The following MAP4K1 variants were observed in gnomAD, a reference collection of about 807,000 sequenced individuals.
MAP4K1 encodes the protein mitogen-activated protein kinase kinase kinase kinase 1.
In MAP4K1, 35 loss-of-function variants were observed where a neutral mutation model predicts 122.8. The observed-to-expected ratio is 0.29, with a 90% CI of 0.22 to 0.38. The LOEUF is 0.38. Among genes scored for constraint, MAP4K1 ranks in the 10% least tolerant of loss-of-function variants. The probability of loss-of-function intolerance (pLI) is 1.00; values close to 1 mark genes in which losing one functional copy is unlikely to be tolerated. For synonymous variants in MAP4K1, 412 were observed against 421.3 expected (o/e 0.98, Z 0.27); for missense variants, 791 against 1,072.6 (o/e 0.74, Z 3.67).
chr19:38,613,079 G>A (rs113456886), intron 8 of MAP4K1, among the ~76,000 whole-genome samples: 1,534 of 152,036 alleles, frequency 0.01, 19 homozygotes, highest in Non-Finnish European at 0.013. Flanking sequence ...AGGTCAAGGC[G>A]GACAGATCAC....
At position 38,608,799 on chromosome 19, in the gene MAP4K1, C is replaced by CAAAA. The variant is rs1031744033; in HGVS notation, c.1007-633_1007-630dup. Among the ~76,000 whole-genome samples the CAAAA allele has an allele frequency of 3.0e-3, 29 of 9,558 alleles. 2 individuals are homozygous for CAAAA. Among genetic ancestry groups the CAAAA allele is most frequent in the South Asian group, 7.1e-3 (2 of 282 alleles). 6.3% of individuals were successfully genotyped at this position (9,558 alleles called of 152,430 possible). A position where few individuals can be genotyped will look rare whatever the true frequency, so the allele number is the denominator to read the frequency against. ...TGGGCGACAGAGTGAAACTCCGTCT[C>CAAAA]AAAAAAAAAAAAAAAAAAAAAAAAA... is the stretch of plus-strand genomic sequence containing the variant. On this transcript the variant is annotated intron_variant, in intron 13 of 30. Transcript: ENST00000396857.
chr19:38,595,454 A>AGTGAT (rs780245856), intron 29 of MAP4K1, 31 bp downstream of exon 29: 6 of 1,609,792 alleles, frequency 3.7e-6, no homozygotes, highest in Non-Finnish European at 5.1e-6. Context: ...GCTGGGGGGC[A>AGTGAT]GTGATGTGGA....
intron 19 of MAP4K1, among the ~76,000 whole-genome samples, chr19:38,602,553 T>TACACACATATACATATATACATATATAC (rs1975108901): frequency 6.9e-6 from 1 of 145,050 alleles, no homozygotes; most frequent in African/African-American, 2.6e-5. Context: ...TACATATATA[T>TACACACATATACATATATACATATATAC]ACACACATAT....
intron 19 of MAP4K1, among the ~76,000 whole-genome samples, chr19:38,603,211 T>C (rs935812130): frequency 8.8e-5 from 13 of 148,384 alleles, no homozygotes; most frequent in East Asian, 2.0e-4. Context: ...TACACATACA[T>C]ATATACACAT....
chr19:38,592,120 A>T (rs1276208568), intron 30 of MAP4K1, among the ~76,000 whole-genome samples: 4 of 152,024 alleles, frequency 2.6e-5, no homozygotes, highest in African/African-American at 9.7e-5. Flanking sequence ...AAAAAATTTT[A>T]AAAATTAGCC....
chr19:38,596,433 C>T lies in MAP4K1; in HGVS notation c.1995G>A (p.Gly665=). The T allele has an allele frequency of 6.3e-7, 1 of 1,590,118 alleles. No individual in the cohort carries two copies. ...TPLSVFALLT[G]PGSELPAVCI... is the part of the protein sequence containing the mutation. Reference sequence around the variant, plus strand: ...ACACAGCGGGCAGCTCAGAGCCTGGCCCGGTCAGCAGCGCGAACACGGACA... The same window carrying T: ...ACACAGCGGGCAGCTCAGAGCCTGGTCCGGTCAGCAGCGCGAACACGGACA... The change falls in exon 26 of 31, where the codon GGG becomes GGA. Residue 665 remains glycine (G), a synonymous_variant. Transcript: ENST00000396857.
chr19:38,608,678 T>TA (rs1975402560), intron 13 of MAP4K1, among the ~76,000 whole-genome samples: 2 of 151,696 alleles, frequency 1.3e-5, no homozygotes, highest in South Asian at 4.2e-4. Flanking sequence ...TATGCGCCTG[T>TA]AATCCCAATT....
At chr19:38,607,803 G>T in intron 16 of MAP4K1, 61 bp downstream of exon 16, 1 of 1,561,520 alleles carries the variant, frequency 6.4e-7, no homozygotes. Flanking sequence ...CACATCAGGG[G>T]ATTGTAGGAA....
intron 29 of MAP4K1, among the ~76,000 whole-genome samples, chr19:38,593,828 C>A (rs1219328333): frequency 6.6e-6 from 1 of 152,068 alleles, no homozygotes; most frequent in Non-Finnish European, 1.5e-5. Flanking sequence ...TTGCAATGAG[C>A]CAAGATTGTG....
At chr19:38,596,124 C>A in intron 26 of MAP4K1, 123 bp from the exon 27 acceptor site, 1 of 1,321,140 alleles carries the variant, frequency 7.6e-7, no homozygotes, top group Non-Finnish European at 1.1e-6. Context: ...GGGCTAAACC[C>A]CGCCCACCAT....
In MAP4K1 at chr19:38,597,017, C is replaced by T. The variant is rs370258249; in HGVS notation, c.1941+17G>A. On this transcript the variant is annotated intron_variant, in intron 25 of 30. Transcript: ENST00000396857. The surrounding 1 kb of genome is among the most constrained non-coding windows in gnomAD (Gnocchi z 4.6). ...ACCCACTCCTCAGAGTTCCCAGCAC[C>T]CTCCCAAGCCCCTTACCCGGACAAG... 64 of 1,612,602 alleles carry T rather than the reference C, an allele frequency of 4.0e-5. No homozygotes were observed. The highest frequency in any genetic ancestry group is 1.3e-4 in the Admixed American group (8 of 59,984).
chr19:38,617,018 C>A lies in MAP4K1; in HGVS notation c.248+336G>T, dbSNP rs982732640. Among the ~76,000 whole-genome samples, 1 of 151,864 alleles carries A rather than the reference C, an allele frequency of 6.6e-6. No individual in the cohort carries two copies. Among genetic ancestry groups the A allele is most frequent in the Non-Finnish European group, 1.5e-5 (1 of 67,968 alleles). On this transcript the variant is annotated intron_variant, in intron 3 of 30. Transcript: ENST00000396857. This position sits in a 1 kb window ranked among gnomAD's most constrained non-coding sequence, Gnocchi z 4.1. ...ATCCCAGCACTTTCGGAGGCCGAGG[C>A]GAGTGGATCACAAGGTCAGGAGTTC... is the stretch of plus-strand genomic sequence containing the variant.
chr19:38,605,341 CT>C, intron 19 of MAP4K1, 67 bp downstream of exon 19: 1 of 1,178,766 alleles, frequency 8.5e-7, no homozygotes. Context: ...CTGCCACCCC[CT>C]CCCCACCCCA....
rs1440734079 is a variant in MAP4K1 at position 38,597,186 on chromosome 19, C to T, written c.1838-49G>A. 1 of 1,602,366 alleles carries T rather than the reference C, an allele frequency of 6.2e-7. No homozygotes were observed. Among genetic ancestry groups the T allele is most frequent in the Non-Finnish European group, 8.6e-7 (1 of 1,169,556 alleles). On this transcript the variant is annotated intron_variant, in intron 24 of 30. Coordinates refer to ENST00000396857, the MANE Select transcript of MAP4K1 (RefSeq NM_001042600.3). This position sits in a 1 kb window ranked among gnomAD's most constrained non-coding sequence, Gnocchi z 4.6. Reference sequence around the variant, plus strand: ...CAAGATCAATGCCCTCTATCCTCCTCGCCACCCACACTACCACCCATCTTC... The same window carrying T: ...CAAGATCAATGCCCTCTATCCTCCTTGCCACCCACACTACCACCCATCTTC...
intron 22 of MAP4K1, among the ~76,000 whole-genome samples, chr19:38,599,232 C>G (rs1599697804): frequency 1.3e-5 from 2 of 149,806 alleles, no homozygotes; most frequent in African/African-American, 4.9e-5. Flanking sequence ...TCTGTAATAC[C>G]AGCTACTCGG....
chr19:38,594,313 C>G (rs1307949248), intron 29 of MAP4K1, among the ~76,000 whole-genome samples: 2 of 152,068 alleles, frequency 1.3e-5, no homozygotes, highest in African/African-American at 4.8e-5. Context: ...CACCACTGCA[C>G]TTCAGCCTGG....
Position 38,587,676 on chromosome 19 carries a change from A to C in MAP4K1, c.*72T>G. 2 of 1,174,556 alleles carry C rather than the reference A, an allele frequency of 1.7e-6. No homozygotes were observed. Among genetic ancestry groups the C allele is most frequent in the South Asian group, 2.5e-5 (2 of 81,356 alleles). The allele number at this position is 1,174,556 out of a possible 1,614,324, so 72.8% of individuals were successfully genotyped here. A position where few individuals can be genotyped will look rare whatever the true frequency, so the allele number is the denominator to read the frequency against. ...AAGTCATGTTTATTGGGAGATGAGGACATGCCATGACCACTAGTGTGTCTA... is the reference window on the plus strand; with the variant it reads ...AAGTCATGTTTATTGGGAGATGAGGCCATGCCATGACCACTAGTGTGTCTA... On this transcript the variant is annotated 3_prime_UTR_variant, in exon 31 of 31. Coordinates refer to ENST00000396857, the MANE Select transcript of MAP4K1 (RefSeq NM_001042600.3).
At chr19:38,603,039 T>C (rs1044569279) in intron 19 of MAP4K1, among the ~76,000 whole-genome samples, 5 of 145,402 alleles carry the variant, frequency 3.4e-5, no homozygotes, top group Non-Finnish European at 7.5e-5. Context: ...TATATACACA[T>C]GTACATATAT....
In MAP4K1 at chr19:38,611,141, G is replaced by C; in HGVS notation, c.729-9C>G. On this transcript the variant is annotated splice_polypyrimidine_tract_variant and intron_variant, in intron 10 of 30. Coordinates refer to ENST00000396857, the MANE Select transcript of MAP4K1 (RefSeq NM_001042600.3). ...TGTGGAAGGCAGCCGACCTTGGGAAGAAGAAGCCAGGTTCTGGATGAGGGG... is the reference window on the plus strand; with the variant it reads ...TGTGGAAGGCAGCCGACCTTGGGAACAAGAAGCCAGGTTCTGGATGAGGGG... The C allele has an allele frequency of 1.2e-6, 2 of 1,613,162 alleles. No homozygotes were observed. Among genetic ancestry groups the C allele is most frequent in the Non-Finnish European group, 1.7e-6 (2 of 1,179,362 alleles).
Sources: allele counts gnomAD v4.1 joint callset (sites outside exome capture counted in the v4.1 genomes callset), GRCh38; gene constraint gnomAD v4.1.1; non-coding constraint Gnocchi (gnomAD v3.1); transcripts MANE v1.5; gene names NCBI Gene and HGNC (gene_info 2026-07-23, HGNC 2026-07-21).